The following ATG7 variants were observed in gnomAD, a reference collection of about 807,000 sequenced individuals.
The protein encoded by ATG7 is autophagy related 7, also known as ubiquitin-like modifier-activating enzyme ATG7.
A neutral mutation model predicts 82.4 loss-of-function variants in ATG7; 70 were observed. The ratio of observed to expected loss-of-function variants is 0.85; its 90% CI spans 0.70 to 1.04. The LOEUF is 1.04. ATG7 is among the 50% of genes least tolerant of loss of function. The probability of loss-of-function intolerance (pLI) is 0.00; values close to 1 mark genes in which losing one functional copy is unlikely to be tolerated. For synonymous variants in ATG7, 287 were observed against 313.0 expected (o/e 0.92, Z 0.88); for missense variants, 792 against 864.3 (o/e 0.92, Z 1.05).
chr3:11,563,767 G>C, the ATG7 span, among the ~76,000 whole-genome samples: 1,134 of 152,304 alleles, frequency 7.4e-3, 12 homozygotes, highest in African/African-American at 0.026. Context: ...GTGCCATTTT[G>C]TTAAATGGAT....
chr3:11,357,146 G>C (rs1301446524), intron 14 of ATG7, among the ~76,000 whole-genome samples: 9 of 152,156 alleles, frequency 5.9e-5, no homozygotes, highest in African/African-American at 1.9e-4. Flanking sequence ...GAGTGAAAAA[G>C]CTGATGTTTT....
Position 11,453,203 on chromosome 3 carries a change from C to CG in ATG7, c.2079+26283dup, listed in dbSNP as rs201157896. ...CTGGGTTCCCCAGGTGGAGAACAGA[C>CG]GGGGGGCGTGGGCCTTGCCATGTGG... On this transcript the variant is annotated intron_variant, in intron 20 of 20. Coordinates refer to ENST00000693202, the MANE Select transcript of ATG7 (RefSeq NM_001349232.2). 6.7e-3 allele frequency among the ~76,000 whole-genome samples: 1,014 copies of CG among 152,256 alleles called. 8 individuals carry two copies. Among genetic ancestry groups the CG allele is most frequent in the Middle Eastern group, 6.8e-3 (2 of 294 alleles).
intron 20 of ATG7, among the ~76,000 whole-genome samples, chr3:11,509,511 C>T (rs1236048308): frequency 3.3e-5 from 5 of 151,894 alleles, no homozygotes; most frequent in Admixed American, 3.3e-4. Context: ...GACATGTTTG[C>T]TGACAAATTG....
intron 20 of ATG7, among the ~76,000 whole-genome samples, chr3:11,513,482 C>T (rs2092153905): frequency 1.3e-5 from 2 of 152,236 alleles, no homozygotes; most frequent in Non-Finnish European, 2.9e-5. Context: ...AGCCGCTGGC[C>T]TGGGTGCTAA....
chr3:11,430,377 T>A (rs547465978), intron 20 of ATG7, among the ~76,000 whole-genome samples: 4 of 152,218 alleles, frequency 2.6e-5, no homozygotes, highest in Non-Finnish European at 5.9e-5. Flanking sequence ...TGTTTTGATT[T>A]ACATACTTGA....
chr3:11,515,604 G>A lies in ATG7; in HGVS notation c.2080-39207G>A, dbSNP rs528113840. On this transcript the variant is annotated intron_variant, in intron 20 of 20. Transcript: ENST00000693202. ...TGTATATTGACAAGACATTGTCCCA[G>A]GGGTAATGACAGAATTGAAAATGGT... is the stretch of plus-strand genomic sequence containing the variant. 7.2e-5 allele frequency among the ~76,000 whole-genome samples: 11 copies of A among 152,326 alleles called. 2 individuals are homozygous for A. Among genetic ancestry groups the A allele is most frequent in the Admixed American group, 7.2e-4 (11 of 15,302 alleles).
At chr3:11,352,072 A>G (rs1270729990) in intron 14 of ATG7, among the ~76,000 whole-genome samples, 2 of 145,760 alleles carry the variant, frequency 1.4e-5, no homozygotes, top group Non-Finnish European at 3.0e-5. Context: ...TCATTGTTCA[A>G]TTCCCACATA....
chr3:11,279,122 G>T (rs1367379974), intron 1 of ATG7, among the ~76,000 whole-genome samples: 1 of 152,168 alleles, frequency 6.6e-6, no homozygotes, highest in Non-Finnish European at 1.5e-5. Flanking sequence ...TGGGGCTAGT[G>T]CTGTCATCTA....
At chr3:11,549,560 T>C (rs1159091538) in intron 20 of ATG7, among the ~76,000 whole-genome samples, 1 of 152,240 alleles carries the variant, frequency 6.6e-6, no homozygotes, top group Non-Finnish European at 1.5e-5. Flanking sequence ...GAGATTCATA[T>C]GTGTTGTCGC....
intron 7 of ATG7, 96 bp downstream of exon 7, chr3:11,309,157 A>G (rs1948237145): frequency 9.3e-6 from 11 of 1,178,806 alleles, no homozygotes; most frequent in Admixed American, 1.7e-5. Flanking sequence ...CTCCGAAGCT[A>G]CTACCTTCTG....
intron 18 of ATG7, among the ~76,000 whole-genome samples, chr3:11,372,847 T>TGC (rs1369764142): frequency 5.6e-5 from 1 of 17,794 alleles, no homozygotes; most frequent in Non-Finnish European, 1.3e-4. Flanking sequence ...CGTGCGTGCG[T>TGC]GTGCGTGTGT....
intron 14 of ATG7, among the ~76,000 whole-genome samples, chr3:11,356,685 A>C (rs2075956143): frequency 6.6e-6 from 1 of 152,240 alleles, no homozygotes; most frequent in African/African-American, 2.4e-5. Context: ...ACCATTTAAC[A>C]TGCTTTGTCA....
At chr3:11,553,552 G>C (rs2072044456) in intron 20 of ATG7, among the ~76,000 whole-genome samples, 1 of 152,192 alleles carries the variant, frequency 6.6e-6, no homozygotes, top group South Asian at 2.1e-4. Context: ...GTCCCACCCT[G>C]GGGGAGTTTC....
At chr3:11,444,170 A>C (rs1373484550) in intron 20 of ATG7, among the ~76,000 whole-genome samples, 1 of 152,128 alleles carries the variant, frequency 6.6e-6, no homozygotes, top group Non-Finnish European at 1.5e-5. Flanking sequence ...GTTGCTATGT[A>C]GTGTTTCATA....
intron 1 of ATG7, among the ~76,000 whole-genome samples, chr3:11,274,265 C>T (rs1037340482): frequency 7.9e-5 from 12 of 151,996 alleles, no homozygotes; most frequent in Non-Finnish European, 1.3e-4. Context: ...GCTGGGAATA[C>T]AAAAATGAGT....
chr3:11,568,953 G>A, the ATG7 span: 1 of 1,204,006 alleles, frequency 8.3e-7, no homozygotes, highest in South Asian at 2.0e-5. This position sits in a 1 kb window ranked among gnomAD's most constrained non-coding sequence, Gnocchi z 5.9. Flanking sequence ...CGGAGAGAAA[G>A]ATGGAAAGAG....
chr3:11,421,139 C>G (rs2081910068), intron 19 of ATG7, among the ~76,000 whole-genome samples: 1 of 152,110 alleles, frequency 6.6e-6, no homozygotes, highest in African/African-American at 2.4e-5. Flanking sequence ...GAGGTTCTTG[C>G]ATTGATATTG....
chr3:11,528,188 C>T (rs1443463744), intron 20 of ATG7, among the ~76,000 whole-genome samples: 1 of 152,332 alleles, frequency 6.6e-6, no homozygotes, highest in Admixed American at 6.5e-5. Context: ...AGGTTTTCTG[C>T]ACTGAATCTT....
chr3:11,297,420 TG>T (rs1167095797), intron 3 of ATG7, among the ~76,000 whole-genome samples: 6 of 152,152 alleles, frequency 3.9e-5, no homozygotes. Context: ...TGTCTGGTTG[TG>T]GGGTAATTGG....
Sources: gnomAD v4.1 joint callset for allele counts (sites outside exome capture counted in the v4.1 genomes callset) on GRCh38, gnomAD v4.1.1 for gene constraint, Gnocchi (gnomAD v3.1) non-coding constraint, MANE v1.5 for transcripts, NCBI Gene and HGNC (gene_info 2026-07-23, HGNC 2026-07-21) for gene names.